The following LIN54 variants were observed in gnomAD, a reference collection of about 807,000 sequenced individuals.
LIN54 encodes protein lin-54 homolog.
In LIN54, 9 loss-of-function variants were observed where a neutral mutation model predicts 78.7. The observed-to-expected ratio is 0.11, with a 90% confidence interval of 0.07 to 0.20. The LOEUF is 0.20. LIN54 is among the 10% of genes least tolerant of loss of function. The pLI is 1.00. For synonymous variants in LIN54, 269 were observed against 318.4 expected (o/e 0.84, Z 1.65); for missense variants, 573 against 889.9 (o/e 0.64, Z 4.53).
At chr4:82,980,342 CTATT>C (rs1254613817) in intron 2 of LIN54, among the ~76,000 whole-genome samples, 1 of 151,962 alleles carries the variant, frequency 6.6e-6, no homozygotes, top group Admixed American at 6.6e-5. Context: ...TGTAAAAGAA[CTATT>C]TATTATAGGA....
intron 12 of LIN54, among the ~76,000 whole-genome samples, chr4:82,929,750 G>A (rs796705690): frequency 8.5e-5 from 13 of 152,142 alleles, no homozygotes; most frequent in African/African-American, 2.6e-4. Context: ...AGATTGCAGT[G>A]AGCTGAGATC....
chr4:82,946,025 T>G (rs914197771), intron 5 of LIN54, among the ~76,000 whole-genome samples: 31 of 152,286 alleles, frequency 2.0e-4, no homozygotes, highest in African/African-American at 7.2e-4. Context: ...TAACCACGAA[T>G]TAACAAATAA....
At chr4:83,010,867 G>A (rs1369732497), upstream of LIN54, 1 of 914,510 alleles carries the variant, frequency 1.1e-6, no homozygotes, top group African/African-American at 4.8e-5. Flanking sequence ...CGCCCCACCC[G>A]GGAGGCGCAC....
At chr4:82,979,939 C>CAAAAAAAAAAAAAAAA (rs70943176) in intron 2 of LIN54, among the ~76,000 whole-genome samples, 10 of 49,850 alleles carry the variant, frequency 2.0e-4, no homozygotes, top group East Asian at 1.2e-3. Flanking sequence ...GACTCTGTCT[C>CAAAAAAAAAAAAAAAA]AAAAAAAAAA....
At chr4:83,003,350 C>G (rs1180341419) in intron 1 of LIN54, 1 of 151,998 alleles carries the variant, frequency 6.6e-6, no homozygotes. Context: ...AAAACATCAA[C>G]AACTAAAAAA....
intron 1 of LIN54, among the ~76,000 whole-genome samples, chr4:82,996,442 G>C (rs1412427661): frequency 6.6e-6 from 1 of 151,944 alleles, no homozygotes; most frequent in Non-Finnish European, 1.5e-5. Context: ...GTCTCACTCT[G>C]TCGCCCAGGC....
chr4:82,988,170 A>C (rs1727337265), intron 1 of LIN54, among the ~76,000 whole-genome samples: 2 of 152,108 alleles, frequency 1.3e-5, no homozygotes. Flanking sequence ...TGGCCACATA[A>C]ATGTTTCTTT....
intron 4 of LIN54, among the ~76,000 whole-genome samples, chr4:82,953,360 A>G (rs1724002542): frequency 2.0e-5 from 3 of 152,230 alleles, no homozygotes; most frequent in Admixed American, 2.0e-4. Flanking sequence ...CTGGAGATGG[A>G]TGGTTGTGAT....
intron 10 of LIN54, 30 bp downstream of exon 10, chr4:82,936,248 CT>C (rs759544207): frequency 3.3e-5 from 50 of 1,516,504 alleles, no homozygotes; most frequent in Middle Eastern, 1.7e-4. Context: ...CTGGATATTT[CT>C]GTCAGTTAAA....
chr4:82,928,839 CGTT>C (rs1256645099), intron 12 of LIN54, among the ~76,000 whole-genome samples: 10 of 152,162 alleles, frequency 6.6e-5, no homozygotes, highest in Admixed American at 1.3e-4. Context: ...AATTCTGCAT[CGTT>C]CTAGCACAAC....
upstream of LIN54, among the ~76,000 whole-genome samples, chr4:83,012,381 G>A (rs1171763249): frequency 3.9e-5 from 6 of 151,950 alleles, no homozygotes; most frequent in African/African-American, 1.5e-4. Flanking sequence ...GGAGAGGAGG[G>A]ACTGGCACAA....
rs1289988469 is a variant in LIN54 at position 83,010,615 on chromosome 4, A to G, written c.-164T>C. The G allele has an allele frequency of 8.1e-7, 1 of 1,227,262 alleles. No homozygotes were observed. Among genetic ancestry groups the G allele is most frequent in the East Asian group, 3.2e-5 (1 of 31,282 alleles). The allele number at this position is 1,227,262 out of a possible 1,614,324, so 76.0% of individuals were successfully genotyped here. ...GCTCTGGCCAGCAGCTTCCTTTCCC[A>G]GTTTGTCCAAACTGGAGCGCTCCAG... On this transcript the variant is annotated 5_prime_UTR_variant, in exon 1 of 13. Transcript: ENST00000340417.
rs1394941380 is a variant in LIN54, at chr4:82,962,167, T to C, written c.951+8160A>G. 2.6e-5 allele frequency among the ~76,000 whole-genome samples: 4 copies of C among 152,060 alleles called. No homozygotes were observed. The East Asian group carries it at 7.7e-4, about 29-fold the overall frequency. On this transcript the variant is annotated intron_variant, in intron 4 of 12. Coordinates refer to ENST00000340417, the MANE Select transcript of LIN54 (RefSeq NM_194282.4). ...CTTGAACTCCTGGACTCAAGCAATC[T>C]TCCCACCCCAGCCTTCCAAGTAGCT... is the stretch of plus-strand genomic sequence containing the variant.
chr4:82,960,231 G>A (rs1321849990), intron 4 of LIN54, among the ~76,000 whole-genome samples: 1 of 152,074 alleles, frequency 6.6e-6, no homozygotes, highest in African/African-American at 2.4e-5. Flanking sequence ...GGCATGATCA[G>A]AGCTCACTGT....
chr4:82,955,369 A>AATAACATAAC (rs537329208), intron 4 of LIN54, among the ~76,000 whole-genome samples: 31,416 of 138,158 alleles, frequency 0.23, 3,883 homozygotes, highest in Non-Finnish European at 0.24. Flanking sequence ...ATCTCAAAAA[A>AATAACATAAC]ATAACATAAC....
rs894140543 is a variant in LIN54, at chr4:82,970,254, T to A, written c.951+73A>T. On this transcript the variant is annotated intron_variant, in intron 4 of 12. Transcript: ENST00000340417. ...TTGGGAATGTACTAAAATTGAAGTA[T>A]CTGAAGTGACTAGTAAGAAAATAAA... is the stretch of plus-strand genomic sequence containing the variant. 40 of 1,391,588 alleles carry A rather than the reference T, an allele frequency of 2.9e-5. No individual in the cohort carries two copies. The African/African-American group carries it at 5.5e-4, about 19-fold the overall frequency. 86.2% of individuals were successfully genotyped at this position (1,391,588 alleles called of 1,614,324 possible).
chr4:82,947,228 TATA>T (rs1560733358), intron 4 of LIN54, among the ~76,000 whole-genome samples: 7 of 33,840 alleles, frequency 2.1e-4, no homozygotes, highest in African/African-American at 7.5e-4. Flanking sequence ...TATATATATA[TATA>T]TATATTTTTT....
At chr4:83,009,318 T>C (rs371309864) in intron 1 of LIN54, among the ~76,000 whole-genome samples, 66 of 152,352 alleles carry the variant, frequency 4.3e-4, no homozygotes, top group African/African-American at 1.1e-3. Context: ...ATACTCTCTG[T>C]AGACAATTTG....
At chr4:82,965,377 C>A (rs183872811) in intron 4 of LIN54, among the ~76,000 whole-genome samples, 1 of 152,250 alleles carries the variant, frequency 6.6e-6, no homozygotes, top group Non-Finnish European at 1.5e-5. Context: ...GATTTCCCAA[C>A]AACAAACCTA....
Sources: allele counts gnomAD v4.1 joint callset (sites outside exome capture counted in the v4.1 genomes callset), GRCh38; gene constraint gnomAD v4.1.1; transcripts MANE v1.5; gene names NCBI Gene and HGNC (gene_info 2026-07-23, HGNC 2026-07-21).